The following MAST4 variants were observed in gnomAD, a reference collection of about 807,000 sequenced individuals.
MAST4 encodes microtubule associated serine/threonine kinase family member 4.
MAST4 carries 89 observed loss-of-function variants against 162.7 expected under a neutral mutation model. The observed-to-expected ratio is 0.55, with a 90% CI of 0.46 to 0.65. The LOEUF is 0.65. Among genes scored for constraint, MAST4 ranks in the 30% least tolerant of loss-of-function variants. MAST4 has a pLI of 0.00. For synonymous variants in MAST4, 1,479 were observed against 1,361.1 expected, an observed-to-expected ratio of 1.09 and a Z score of -1.91; for missense variants, 3,153 against 3,374.0, an observed-to-expected ratio of 0.93 and a Z score of 1.62.
intron 3 of MAST4, among the ~76,000 whole-genome samples, chr5:66,871,959 GT>G (rs1396566063): frequency 6.6e-6 from 1 of 152,144 alleles, no homozygotes; most frequent in Non-Finnish European, 1.5e-5. Flanking sequence ...ACGAAAGCCT[GT>G]TTTTAAACAT....
intron 4 of MAST4, among the ~76,000 whole-genome samples, chr5:66,994,878 TG>T (rs1750455572): frequency 6.6e-6 from 1 of 152,242 alleles, no homozygotes; most frequent in Non-Finnish European, 1.5e-5. Flanking sequence ...CAAGAGTTCA[TG>T]TTTTTTTTGA....
At chr5:66,788,606 C>CCCAAAAAAAAAAAAAAAAAAACA in intron 2 of MAST4, 64 bp from the exon 3 acceptor site, 1 of 1,356,382 alleles carries the variant, frequency 7.4e-7, no homozygotes, top group Non-Finnish European at 1.0e-6. Flanking sequence ...ACCCCCACCC[C>CCCAAAAAAAAAAAAAAAAAAACA]CATTGCAATA....
chr5:66,910,819 T>C (rs71626465), intron 4 of MAST4, among the ~76,000 whole-genome samples: 5,308 of 148,940 alleles, frequency 0.036, 197 homozygotes, highest in African/African-American at 0.09. Context: ...GGTGCAATCT[T>C]GGCTCACTGC....
intron 1 of MAST4, among the ~76,000 whole-genome samples, chr5:66,671,908 GA>G (rs35756975): frequency 1.3e-5 from 2 of 152,046 alleles, no homozygotes; most frequent in African/African-American, 4.8e-5. Flanking sequence ...TTAAAAATGT[GA>G]AAAAAATGCT....
At chr5:66,799,152 C>T (rs1755794912) in intron 3 of MAST4, among the ~76,000 whole-genome samples, 1 of 152,148 alleles carries the variant, frequency 6.6e-6, no homozygotes, top group South Asian at 2.1e-4. Flanking sequence ...ACCTGCCATT[C>T]GTTCCTCCGA....
intron 1 of MAST4, among the ~76,000 whole-genome samples, chr5:66,755,370 C>T (rs1043051651): frequency 6.6e-6 from 1 of 152,180 alleles, no homozygotes; most frequent in Non-Finnish European, 1.5e-5. Flanking sequence ...TATTTAAAAA[C>T]TATGAATTAC....
In MAST4 at chr5:67,049,043, G is replaced by GTATA. The variant is rs1491152523; in HGVS notation, c.675-5360_675-5359insATAT. On this transcript the variant is annotated intron_variant, in intron 4 of 28. Transcript: ENST00000403625. ...TATACGTATATATATATATATATAC[G>GTATA]TGTATATATATATATACGTATATAT... 3.6e-3 allele frequency among the ~76,000 whole-genome samples: 195 copies of GTATA among 54,078 alleles called. 5 individuals carry two copies. The highest frequency in any genetic ancestry group is 7.2e-3 in the Admixed American group (38 of 5,260). 35.5% of individuals were successfully genotyped at this position (54,078 alleles called of 152,430 possible).
chr5:66,836,217 A>G (rs1045192652), intron 3 of MAST4, among the ~76,000 whole-genome samples: 1 of 152,156 alleles, frequency 6.6e-6, no homozygotes, highest in African/African-American at 2.4e-5. Context: ...TGATATGGGG[A>G]AAAGCTGAAA....
chr5:67,089,259 AGGG>A (rs1424428472), intron 5 of MAST4, among the ~76,000 whole-genome samples: 3 of 152,212 alleles, frequency 2.0e-5, no homozygotes, highest in Non-Finnish European at 4.4e-5. Context: ...AAACATGCAG[AGGG>A]AAGCAGGGTG....
chr5:67,014,312 G>T (rs186850690), intron 4 of MAST4, among the ~76,000 whole-genome samples: 4 of 152,306 alleles, frequency 2.6e-5, no homozygotes, highest in East Asian at 3.9e-4. Context: ...TTTTAAGTTC[G>T]CATTTCCATA....
At chr5:66,777,684 C>G (rs983873381) in intron 2 of MAST4, among the ~76,000 whole-genome samples, 2 of 152,056 alleles carry the variant, frequency 1.3e-5, no homozygotes, top group Non-Finnish European at 2.9e-5. Flanking sequence ...ATTGAGAAGT[C>G]AGACTGTGAT....
chr5:66,934,942 T>C (rs1382566544), intron 4 of MAST4, among the ~76,000 whole-genome samples: 1 of 152,230 alleles, frequency 6.6e-6, no homozygotes, highest in Non-Finnish European at 1.5e-5. Flanking sequence ...TTGAAAGTGA[T>C]AATTACTATA....
intron 1 of MAST4, among the ~76,000 whole-genome samples, chr5:66,597,515 C>T (rs1017229287): frequency 1.4e-5 from 2 of 147,410 alleles, no homozygotes; most frequent in African/African-American, 5.1e-5. Context: ...TGGCGCCAGC[C>T]CCCTGGGATC....
At chr5:66,641,943 A>G (rs1297791264) in intron 1 of MAST4, among the ~76,000 whole-genome samples, 1 of 152,250 alleles carries the variant, frequency 6.6e-6, no homozygotes, top group East Asian at 1.9e-4. Context: ...CCTCCGGATG[A>G]TGAATAGTTA....
At chr5:67,065,940 G>A (rs1255935295) in intron 5 of MAST4, among the ~76,000 whole-genome samples, 1 of 152,100 alleles carries the variant, frequency 6.6e-6, no homozygotes, top group Non-Finnish European at 1.5e-5. Flanking sequence ...ACACACTGTG[G>A]CAACCCAGAA....
At chr5:66,809,714 A>G (rs994706926) in intron 3 of MAST4, among the ~76,000 whole-genome samples, 1 of 152,156 alleles carries the variant, frequency 6.6e-6, no homozygotes, top group Admixed American at 6.5e-5. Flanking sequence ...CCAGAAAAAA[A>G]CTACGTACAA....
intron 5 of MAST4, among the ~76,000 whole-genome samples, chr5:67,087,192 T>A (rs1276190564): frequency 6.6e-6 from 1 of 152,188 alleles, no homozygotes; most frequent in African/African-American, 2.4e-5. Flanking sequence ...AGAGGGTCAG[T>A]CATTTTCCCA....
At chr5:67,120,824 C>A (rs1264217862) in intron 13 of MAST4, among the ~76,000 whole-genome samples, 193 bp from the exon 14 acceptor site, 1 of 152,200 alleles carries the variant, frequency 6.6e-6, no homozygotes, top group Non-Finnish European at 1.5e-5. Context: ...GCTTAAGTGA[C>A]AGTGTCACAA....
At chr5:67,022,699 G>T (rs924573489) in intron 4 of MAST4, among the ~76,000 whole-genome samples, 1 of 152,102 alleles carries the variant, frequency 6.6e-6, no homozygotes. Flanking sequence ...CACATTTAAT[G>T]TTCAAATACG....
Sources: allele counts gnomAD v4.1 joint callset (sites outside exome capture counted in the v4.1 genomes callset), GRCh38; gene constraint gnomAD v4.1.1; transcripts MANE v1.5; gene names NCBI Gene and HGNC (gene_info 2026-07-23, HGNC 2026-07-21).